The following LAMA2 variants were observed in gnomAD, a reference collection of about 807,000 sequenced individuals.
LAMA2 encodes the protein laminin subunit alpha-2.
Under a neutral mutation model 364.8 loss-of-function variants are expected in LAMA2, and 269 were observed. The ratio of observed to expected loss-of-function variants is 0.74; its 90% CI spans 0.67 to 0.82. The LOEUF (loss-of-function observed/expected upper bound fraction) is 0.82, where lower values mean the gene tolerates loss of function less well. LAMA2 is among the 40% of genes least tolerant of loss of function. The pLI is 0.00. For missense variants in LAMA2, 3,807 were observed against 3,873.2 expected (o/e 0.98, Z 0.45); for synonymous variants, 1,379 against 1,370.6 (o/e 1.01, Z -0.14).
At chr6:129,049,895 C>G (rs759520507) in intron 1 of LAMA2, 23 bp from the exon 2 acceptor site, 1 of 1,608,656 alleles carries the variant, frequency 6.2e-7, no homozygotes. Context: ...GTCTACACAC[C>G]TTCATTTGTC....
chr6:129,330,333 A>AC (rs1485870113), intron 29 of LAMA2, among the ~76,000 whole-genome samples: 1 of 151,930 alleles, frequency 6.6e-6, no homozygotes, highest in Non-Finnish European at 1.5e-5. Flanking sequence ...ACGCTGCTCT[A>AC]CAGCACCCAG....
chr6:129,010,915 C>G (rs959927877), intron 1 of LAMA2, among the ~76,000 whole-genome samples: 5 of 152,000 alleles, frequency 3.3e-5, no homozygotes, highest in Admixed American at 6.6e-5. Flanking sequence ...ACATATACAC[C>G]CATATCCCTA....
chr6:129,069,718 A>G (rs1383884402), intron 3 of LAMA2, among the ~76,000 whole-genome samples: 1 of 148,362 alleles, frequency 6.7e-6, no homozygotes, highest in East Asian at 1.9e-4. Context: ...AACTAATATA[A>G]TTGTAAATAA....
Position 128,962,023 on chromosome 6 carries a change from A to G in LAMA2, c.112+78666A>G, listed in dbSNP as rs928242158. ...GCTGTGGTTTGCTCCTCCCCTTGGC[A>G]GACACATCCTATCCCCAGCTTCCTC... On this transcript the variant is annotated intron_variant, in intron 1 of 64. Transcript: ENST00000421865. Among the ~76,000 whole-genome samples the G allele has an allele frequency of 4.7e-5, 7 of 150,166 alleles. No individual in the cohort carries two copies. In the East Asian group the frequency reaches 1.4e-3, roughly 30 times the overall value.
chr6:129,143,329 A>T (rs1220884320), intron 4 of LAMA2, among the ~76,000 whole-genome samples: 1 of 152,026 alleles, frequency 6.6e-6, no homozygotes, highest in East Asian at 1.9e-4. Context: ...TACTAAAAAA[A>T]AAAATACAGA....
At chr6:129,092,095 G>C (rs920005310) in intron 3 of LAMA2, among the ~76,000 whole-genome samples, 2 of 152,158 alleles carry the variant, frequency 1.3e-5, no homozygotes, top group Non-Finnish European at 2.9e-5. Flanking sequence ...ACCTACCTCG[G>C]TGAGGTTCTA....
intron 1 of LAMA2, among the ~76,000 whole-genome samples, chr6:128,897,813 G>A (rs989943028): frequency 1.3e-5 from 2 of 152,138 alleles, no homozygotes. Flanking sequence ...GATTGCAATG[G>A]AAGTCCTATC....
At chr6:129,408,052 A>G (rs1439659912) in intron 40 of LAMA2, among the ~76,000 whole-genome samples, 1 of 152,164 alleles carries the variant, frequency 6.6e-6, no homozygotes, top group African/African-American at 2.4e-5. Flanking sequence ...TGGTGACAGC[A>G]TTCTTCCCTC....
At chr6:129,433,729 A>G (rs1038778165) in intron 41 of LAMA2, among the ~76,000 whole-genome samples, 2 of 152,196 alleles carry the variant, frequency 1.3e-5, no homozygotes, top group African/African-American at 4.8e-5. Context: ...TAGGAAATAT[A>G]AAAACGAAAT....
rs760552555 is a variant in LAMA2, at chr6:129,022,633, G to A, written c.113-27285G>A. Among the ~76,000 whole-genome samples the A allele has an allele frequency of 5.8e-4, 88 of 152,222 alleles. 2 individuals carry two copies. Among genetic ancestry groups the A allele is most frequent in the Admixed American group, 3.7e-3 (56 of 15,292 alleles). On this transcript the variant is annotated intron_variant, in intron 1 of 64. Transcript: ENST00000421865. ...ACAAAATCAATAGATAGATGCATAA[G>A]GAGTGCCCAGATAAAATCATCATAC...
intron 1 of LAMA2, among the ~76,000 whole-genome samples, chr6:128,941,633 A>AG (rs1491574017): frequency 6.6e-6 from 1 of 151,704 alleles, no homozygotes; most frequent in East Asian, 1.9e-4. Context: ...AACAAAAAAA[A>AG]TAAATGACAT....
Position 129,481,319 on chromosome 6 carries a change from A to T in LAMA2, c.7629A>T (p.Pro2543=). Residue 2543 remains proline, a synonymous_variant, in exon 55 of 65, where the codon CCA becomes CCT. Transcript: ENST00000421865. The part of the protein sequence containing the change: ...KPGFVELSPV[P]IDVGTEINLS... ...GTTTTGTGGAGCTCTCCCCTGTGCC[A>T]ATTGATGTAGGAACAGAAATCAACC... The T allele has an allele frequency of 6.2e-7, 1 of 1,613,790 alleles. No individual in the cohort carries two copies. Among genetic ancestry groups the T allele is most frequent in the Non-Finnish European group, 8.5e-7 (1 of 1,179,768 alleles).
intron 1 of LAMA2, among the ~76,000 whole-genome samples, chr6:129,049,105 T>C (rs1423499642): frequency 1.3e-5 from 2 of 152,136 alleles, no homozygotes. Flanking sequence ...TTTGCTATAC[T>C]GTTATTGAAA....
At chr6:129,138,428 G>A (rs1562268907) in intron 4 of LAMA2, among the ~76,000 whole-genome samples, 2 of 152,042 alleles carry the variant, frequency 1.3e-5, no homozygotes, top group Admixed American at 1.3e-4. Flanking sequence ...TGGAAATAAT[G>A]CCTGGAAACA....
chr6:129,290,515 G>A (rs1402616008), intron 19 of LAMA2, among the ~76,000 whole-genome samples: 1 of 152,120 alleles, frequency 6.6e-6, no homozygotes, highest in African/African-American at 2.4e-5. Context: ...AGAACCTAGA[G>A]CCAGGAGAAT....
At chr6:128,963,230 A>G (rs890387546) in intron 1 of LAMA2, among the ~76,000 whole-genome samples, 2 of 152,072 alleles carry the variant, frequency 1.3e-5, no homozygotes, top group African/African-American at 4.8e-5. Flanking sequence ...CCTTATTGAT[A>G]CTAAGACCTT....
At chr6:129,216,085 CAGAA>C (rs566343491) in intron 12 of LAMA2, among the ~76,000 whole-genome samples, 156 of 152,242 alleles carry the variant, frequency 1.0e-3, no homozygotes, top group Non-Finnish European at 1.5e-3. Flanking sequence ...AGTCATGAAT[CAGAA>C]AGAGAATTTC....
At position 129,514,882 on chromosome 6, in the gene LAMA2, A is replaced by T. The variant is rs543869974; in HGVS notation, c.9211+287A>T. Among the ~76,000 whole-genome samples the T allele has an allele frequency of 1.4e-3, 216 of 152,338 alleles. 1 individual carries two copies. The highest frequency in any genetic ancestry group is 5.0e-3 in the African/African-American group (207 of 41,584). On this transcript the variant is annotated intron_variant, in intron 64 of 64. Coordinates refer to ENST00000421865, the MANE Select transcript of LAMA2 (RefSeq NM_000426.4). ...ATTTGGCTTATAAAAGATATGAGGC[A>T]TTTAACAGCAATTGGAGCCAAACTT...
At chr6:129,144,444 G>A (rs997699549) in intron 5 of LAMA2, among the ~76,000 whole-genome samples, 3 of 151,972 alleles carry the variant, frequency 2.0e-5, no homozygotes, top group African/African-American at 7.2e-5. Context: ...TGGCTTTGGC[G>A]AGTTACTACT....
Sources: allele counts gnomAD v4.1 joint callset (sites outside exome capture counted in the v4.1 genomes callset), GRCh38; gene constraint gnomAD v4.1.1; transcripts MANE v1.5; gene names NCBI Gene and HGNC (gene_info 2026-07-23, HGNC 2026-07-21).